Variants in CACNA1C observed in about 807,000 individuals in gnomAD.
The protein encoded by CACNA1C is calcium voltage-gated channel subunit alpha1 C, also known as voltage-dependent L-type calcium channel subunit alpha-1C.
CACNA1C carries 30 observed loss-of-function variants against 229.0 expected under a neutral mutation model. That is an observed-to-expected ratio of 0.13 (90% confidence interval 0.10 to 0.18). The LOEUF is 0.18. Among genes scored for constraint, CACNA1C ranks in the 10% least tolerant of loss-of-function variants. The pLI is 1.00. For synonymous variants in CACNA1C, 1,114 were observed against 1,132.5 expected (o/e 0.98, Z 0.33); for missense variants, 1,658 against 2,845.0 (o/e 0.58, Z 9.49).
intron 1 of CACNA1C, among the ~76,000 whole-genome samples, chr12:2,033,913 C>T (rs778533855): frequency 2.3e-4 from 35 of 152,140 alleles, no homozygotes; most frequent in African/African-American, 8.2e-4. Context: ...CAGCATGTTC[C>T]GAGAGAAGCA....
At chr12:2,070,452 A>G (rs1325678354) in intron 1 of CACNA1C, among the ~76,000 whole-genome samples, 1 of 152,140 alleles carries the variant, frequency 6.6e-6, no homozygotes, top group Non-Finnish European at 1.5e-5. Context: ...TAGTTCTTTC[A>G]GCAATGGTCT....
chr12:2,459,047 A>G (rs2099472241), intron 5 of CACNA1C, among the ~76,000 whole-genome samples: 1 of 146,686 alleles, frequency 6.8e-6, no homozygotes, highest in Non-Finnish European at 1.5e-5. Context: ...CAGTGGCACA[A>G]TCTCAGCTCA....
intron 5 of CACNA1C, among the ~76,000 whole-genome samples, chr12:2,471,490 A>C (rs887541965): frequency 1.3e-5 from 2 of 152,172 alleles, no homozygotes; most frequent in African/African-American, 2.4e-5. Context: ...ACCCAATGGC[A>C]TTTCTATAAT....
chr12:2,575,068 C>G lies in CACNA1C; in HGVS notation c.1896-6522C>G, dbSNP rs549932893. Among the ~76,000 whole-genome samples, 6 of 152,334 alleles carry G rather than the reference C, an allele frequency of 3.9e-5. No individual in the cohort carries two copies. The highest frequency in any genetic ancestry group is 1.4e-4 in the African/African-American group (6 of 41,582). On this transcript the variant is annotated intron_variant, in intron 13 of 46. Coordinates refer to ENST00000399655, the MANE Select transcript of CACNA1C (RefSeq NM_000719.7). The surrounding 1 kb of genome is among the most constrained non-coding windows in gnomAD (Gnocchi z 4.0). Reference sequence around the variant, plus strand: ...CATGCTGCTAAGGCCATCCCCAGGTCCAGGCCAGACCACCTTGCCCGCTTG... The same window carrying G: ...CATGCTGCTAAGGCCATCCCCAGGTGCAGGCCAGACCACCTTGCCCGCTTG...
At chr12:2,271,186 A>G (rs1180478425) in intron 3 of CACNA1C, among the ~76,000 whole-genome samples, 1 of 152,184 alleles carries the variant, frequency 6.6e-6, no homozygotes, top group Non-Finnish European at 1.5e-5. Flanking sequence ...TGTGGGATCC[A>G]GTTCATGGCT....
rs1199713333 is a variant in CACNA1C at position 2,593,318 on chromosome 12, C to T, written c.2636C>T (p.Ala879Val). 1.2e-6 allele frequency: 2 copies of T among 1,613,810 alleles called. No individual in the cohort carries two copies. The highest frequency in any genetic ancestry group is 8.5e-7 in the Non-Finnish European group (1 of 1,179,836). Reference sequence around the variant, plus strand: ...GCAGTGCCCATGCCAGAAGCCAGCGCGTTTTTCATCTTCAGCTCTAACAAC... The same window carrying T: ...GCAGTGCCCATGCCAGAAGCCAGCGTGTTTTTCATCTTCAGCTCTAACAAC... ...EKAVPMPEASAFFIFSSNNRF... is the reference protein window; with the variant it reads ...EKAVPMPEASVFFIFSSNNRF... Residue 879 changes from alanine (A) to valine (V), a missense_variant, in exon 19 of 47, where the codon GCG becomes GTG. Around this residue, in one of 20 missense-constraint regions of CACNA1C, gnomAD observed 52 missense variants for 99.0 expected, o/e 0.53. Coordinates refer to ENST00000399655, the MANE Select transcript of CACNA1C (RefSeq NM_000719.7).
intron 45 of CACNA1C, among the ~76,000 whole-genome samples, chr12:2,686,570 A>T (rs1035440182): frequency 1.3e-5 from 2 of 152,258 alleles, no homozygotes; most frequent in African/African-American, 4.8e-5. Flanking sequence ...AGGCTGCCAC[A>T]GATGCCACTG....
At chr12:2,622,790 C>T (rs2084020581) in intron 29 of CACNA1C, among the ~76,000 whole-genome samples, 1 of 152,192 alleles carries the variant, frequency 6.6e-6, no homozygotes, top group East Asian at 1.9e-4. Flanking sequence ...TGCCCACCAC[C>T]CACCACCTCA....
At chr12:2,143,137 G>T (rs370892445) in intron 3 of CACNA1C, among the ~76,000 whole-genome samples, 4 of 150,858 alleles carry the variant, frequency 2.7e-5, no homozygotes, top group African/African-American at 9.7e-5. Context: ...CACCATGCCC[G>T]GCTAAGTTTT....
rs373120389 is a variant in CACNA1C, at chr12:2,374,513, T to C, written c.478-74463T>C. Among the ~76,000 whole-genome samples the C allele has an allele frequency of 3.5e-4, 53 of 152,360 alleles. 1 individual carries two copies. In the South Asian group the frequency reaches 0.011, roughly 31 times the overall value. ...ATAGCATATCACAGCCCACGCCACA[T>C]TGGCCTTCCGTGGGCCAGGCCTCAG... On this transcript the variant is annotated intron_variant, in intron 3 of 46. Transcript: ENST00000399655.
In CACNA1C at chr12:2,696,211, G is replaced by A. The variant is rs2097841756; in HGVS notation, c.*5012G>A. ...TTAGAGAACTCTTCCAGTCACCTCT[G>A]AAAGCACTCTAGATCTTGCAGCTGA... On this transcript the variant is annotated 3_prime_UTR_variant, in exon 47 of 47. Transcript: ENST00000399655. The A allele has an allele frequency of 6.6e-6, 1 of 152,192 alleles. No homozygotes were observed. Among genetic ancestry groups the A allele is most frequent in the Admixed American group, 6.5e-5 (1 of 15,284 alleles). 9.4% of individuals were successfully genotyped at this position (152,192 alleles called of 1,614,324 possible).
chr12:2,097,272 T>A (rs923935147), intron 1 of CACNA1C, among the ~76,000 whole-genome samples: 53 of 152,086 alleles, frequency 3.5e-4, no homozygotes, highest in Middle Eastern at 3.4e-3. Flanking sequence ...CAGCCTCCCG[T>A]GTAGCTGGGA....
rs759422966 is a variant in CACNA1C, at chr12:2,611,892, T to C, written c.3718-11T>C. 4 of 1,579,658 alleles carry C rather than the reference T, an allele frequency of 2.5e-6. No homozygotes were observed. The South Asian group carries it at 3.3e-5, about 13-fold the overall frequency. On this transcript the variant is annotated splice_polypyrimidine_tract_variant and intron_variant, in intron 28 of 46. Transcript: ENST00000399655. ...CCCCGTGTTCACAGCTCCTCCCCTC[T>C]CCTGATGCAGCACTACGGCCAGAGC... is the stretch of plus-strand genomic sequence containing the variant.
chr12:2,389,134 G>A (rs2098443460), intron 3 of CACNA1C, among the ~76,000 whole-genome samples: 2 of 152,130 alleles, frequency 1.3e-5, no homozygotes, highest in African/African-American at 2.4e-5. Flanking sequence ...CCAGGAAAGT[G>A]TGGAGTCATG....
chr12:2,481,737 C>G (rs1308682954), intron 5 of CACNA1C, among the ~76,000 whole-genome samples: 1 of 152,230 alleles, frequency 6.6e-6, no homozygotes, highest in Non-Finnish European at 1.5e-5. Flanking sequence ...CATACTCAGT[C>G]CTATTGGTCC....
rs368244624 is a variant in CACNA1C at position 2,464,970 on chromosome 12, C to T, written c.757+7264C>T. ...ATGAGTTCTTGAATCAGACTACTTA[C>T]TGGCTTCTGCCACTTACTGACTCTG... On this transcript the variant is annotated intron_variant, in intron 5 of 46. Coordinates refer to ENST00000399655, the MANE Select transcript of CACNA1C (RefSeq NM_000719.7). Among the ~76,000 whole-genome samples, 4 of 152,340 alleles carry T rather than the reference C, an allele frequency of 2.6e-5. No individual in the cohort carries two copies. The South Asian group carries it at 8.3e-4, about 32-fold the overall frequency.
chr12:2,185,466 A>G (rs2154289208), intron 3 of CACNA1C, among the ~76,000 whole-genome samples: 1 of 152,332 alleles, frequency 6.6e-6, no homozygotes, highest in Non-Finnish European at 1.5e-5. Context: ...ATGTGACTGC[A>G]TTTGGAGACA....
At chr12:2,439,152 AG>A (rs1203319494) in intron 3 of CACNA1C, among the ~76,000 whole-genome samples, 2 of 152,208 alleles carry the variant, frequency 1.3e-5, no homozygotes, top group Admixed American at 6.5e-5. Context: ...TAGCCTTATG[AG>A]GACCTGACAG....
intron 19 of CACNA1C, among the ~76,000 whole-genome samples, chr12:2,593,589 T>G (rs2066540025): frequency 6.6e-6 from 1 of 152,266 alleles, no homozygotes. Flanking sequence ...TTACCCTTGA[T>G]AATTTACTAA....
Sources: allele counts gnomAD v4.1 joint callset (sites outside exome capture counted in the v4.1 genomes callset), GRCh38; gene constraint gnomAD v4.1.1; regional missense constraint gnomAD v4.1.1; non-coding constraint Gnocchi (gnomAD v3.1); transcripts MANE v1.5; gene names NCBI Gene and HGNC (gene_info 2026-07-23, HGNC 2026-07-21).